The following IGF2BP3 variants were observed in gnomAD, a reference collection of about 807,000 sequenced individuals.
IGF2BP3 encodes the protein insulin-like growth factor 2 mRNA-binding protein 3.
In IGF2BP3, 9 loss-of-function variants were observed where a neutral mutation model predicts 73.8. The observed-to-expected ratio is 0.12, with a 90% CI of 0.07 to 0.21. The LOEUF is 0.21. Among genes scored for constraint, IGF2BP3 ranks in the 10% least tolerant of loss-of-function variants. The pLI is 1.00. For synonymous variants in IGF2BP3, 258 were observed against 256.7 expected (o/e 1.01, Z -0.05); for missense variants, 542 against 714.0 (o/e 0.76, Z 2.75).
intron 9 of IGF2BP3, among the ~76,000 whole-genome samples, chr7:23,342,673 T>C (rs962062140): frequency 6.6e-6 from 1 of 151,954 alleles, no homozygotes; most frequent in Non-Finnish European, 1.5e-5. Context: ...TCAGGACCCA[T>C]CCCCATGTAA....
intron 3 of IGF2BP3, among the ~76,000 whole-genome samples, chr7:23,384,627 A>T (rs184219504): frequency 1.7e-3 from 258 of 152,234 alleles, no homozygotes; most frequent in African/African-American, 5.9e-3. Flanking sequence ...GAGGTGGCTC[A>T]TACTGTAATC....
At chr7:23,358,346 T>C (rs1785146311) in intron 5 of IGF2BP3, among the ~76,000 whole-genome samples, 2 of 152,310 alleles carry the variant, frequency 1.3e-5, no homozygotes, top group South Asian at 4.1e-4. Flanking sequence ...ATTACCAGCA[T>C]AGCCCTTTCA....
At chr7:23,336,919 C>T (rs1784588148) in intron 10 of IGF2BP3, among the ~76,000 whole-genome samples, 1 of 151,750 alleles carries the variant, frequency 6.6e-6, no homozygotes, top group African/African-American at 2.4e-5. Context: ...CCACACTCCA[C>T]CCTGGGTGAC....
intron 2 of IGF2BP3, among the ~76,000 whole-genome samples, chr7:23,433,487 T>TG (rs1491482043): frequency 9.0e-4 from 112 of 124,722 alleles, no homozygotes; most frequent in African/African-American, 3.1e-3. Context: ...TAATAACTAA[T>TG]TTTTTTTTTT....
At chr7:23,406,199 G>T (rs1237563271) in intron 3 of IGF2BP3, among the ~76,000 whole-genome samples, 1 of 152,126 alleles carries the variant, frequency 6.6e-6, no homozygotes, top group African/African-American at 2.4e-5. Flanking sequence ...GATTGAACCT[G>T]TTTGCTTCTT....
At chr7:23,368,477 C>T (rs1208709135) in intron 3 of IGF2BP3, among the ~76,000 whole-genome samples, 4 of 152,010 alleles carry the variant, frequency 2.6e-5, no homozygotes, top group African/African-American at 9.7e-5. Context: ...GGGAACTCTA[C>T]GATAGACAGA....
chr7:23,421,741 G>A (rs998582301), intron 2 of IGF2BP3, among the ~76,000 whole-genome samples: 5 of 151,590 alleles, frequency 3.3e-5, no homozygotes, highest in African/African-American at 1.2e-4. Context: ...ACTAATGAAG[G>A]TATGATTTAC....
intron 3 of IGF2BP3, among the ~76,000 whole-genome samples, chr7:23,406,739 T>C (rs924149658): frequency 6.6e-6 from 1 of 152,112 alleles, no homozygotes; most frequent in African/African-American, 2.4e-5. Context: ...TCCTGCTGAT[T>C]GGTCCATTTT....
chr7:23,383,067 A>T (rs62468242), intron 3 of IGF2BP3, among the ~76,000 whole-genome samples: 10 of 152,078 alleles, frequency 6.6e-5, no homozygotes, highest in Non-Finnish European at 1.5e-4. Flanking sequence ...ACTCTGTCTC[A>T]AAACAAACAA....
chr7:23,400,610 A>G (rs958228785), intron 3 of IGF2BP3, among the ~76,000 whole-genome samples: 2 of 152,236 alleles, frequency 1.3e-5, no homozygotes, highest in African/African-American at 4.8e-5. Context: ...CTGAAAATTA[A>G]GAAATACTTA....
chr7:23,451,797 A>C (rs1788204339), intron 2 of IGF2BP3, among the ~76,000 whole-genome samples: 1 of 149,500 alleles, frequency 6.7e-6, no homozygotes, highest in Non-Finnish European at 1.5e-5. Flanking sequence ...AAAATACAAA[A>C]ATTAGCCTAG....
chr7:23,395,015 G>C (rs1000660411), intron 3 of IGF2BP3, among the ~76,000 whole-genome samples: 1 of 152,150 alleles, frequency 6.6e-6, no homozygotes, highest in African/African-American at 2.4e-5. Context: ...GAGTAATGAT[G>C]GGTGTAAGCT....
At chr7:23,380,785 A>C (rs1785885986) in intron 3 of IGF2BP3, among the ~76,000 whole-genome samples, 1 of 152,246 alleles carries the variant, frequency 6.6e-6, no homozygotes, top group Admixed American at 6.5e-5. Flanking sequence ...ACAAAGGCAG[A>C]GACTGGGATG....
At chr7:23,465,808 G>C (rs1278893800) in intron 2 of IGF2BP3, among the ~76,000 whole-genome samples, 2 of 152,144 alleles carry the variant, frequency 1.3e-5, no homozygotes, top group Non-Finnish European at 2.9e-5. Flanking sequence ...GCAAGGATTG[G>C]TTTGTGGCAT....
At chr7:23,424,391 G>A (rs559626551) in intron 2 of IGF2BP3, among the ~76,000 whole-genome samples, 9 of 151,784 alleles carry the variant, frequency 5.9e-5, no homozygotes, top group East Asian at 5.8e-4. Context: ...TCAGCTACTC[G>A]GGAGGCTGAG....
In IGF2BP3 at chr7:23,392,634, G is replaced by A. The variant is rs377151482; in HGVS notation, c.285+26142C>T. 6.0e-5 allele frequency among the ~76,000 whole-genome samples: 9 copies of A among 150,998 alleles called. No homozygotes were observed. In the East Asian group the frequency reaches 1.2e-3, roughly 20 times the overall value. ...ACAGTGAACACAAACACTTTTTTTT[G>A]TTTGTTTTTGGAGACAGGGTCTTGC... On this transcript the variant is annotated intron_variant, in intron 3 of 14. Coordinates refer to ENST00000258729, the MANE Select transcript of IGF2BP3 (RefSeq NM_006547.3).
At chr7:23,317,233 A>G (rs2128492125) in intron 12 of IGF2BP3, among the ~76,000 whole-genome samples, 1 of 152,366 alleles carries the variant, frequency 6.6e-6, no homozygotes, top group South Asian at 2.1e-4. Flanking sequence ...GTCTATGGGC[A>G]GGGTCTAACA....
intron 10 of IGF2BP3, among the ~76,000 whole-genome samples, chr7:23,327,076 T>TAAATA (rs1554312128): frequency 0.032 from 4,658 of 145,930 alleles, 217 homozygotes; most frequent in African/African-American, 0.12. Context: ...ATAAATAAAT[T>TAAATA]AATTAATTAA....
Position 23,338,948 on chromosome 7 carries a change from T to C in IGF2BP3, c.1203+3116A>G, listed in dbSNP as rs1784641731. ...CCATTGTATCACTGCCTGGAACACA[T>C]GTAGAATAAAATATCCACTGGAATT... On this transcript the variant is annotated intron_variant, in intron 10 of 14. Coordinates refer to ENST00000258729, the MANE Select transcript of IGF2BP3 (RefSeq NM_006547.3). 3.3e-5 allele frequency among the ~76,000 whole-genome samples: 5 copies of C among 152,246 alleles called. No individual in the cohort carries two copies. In the South Asian group the frequency reaches 1.0e-3, roughly 32 times the overall value.
Sources: gnomAD v4.1 joint callset for allele counts (sites outside exome capture counted in the v4.1 genomes callset) on GRCh38, gnomAD v4.1.1 for gene constraint, MANE v1.5 for transcripts, NCBI Gene and HGNC (gene_info 2026-07-23, HGNC 2026-07-21) for gene names.